Variants in ELP4 observed in about 807,000 individuals in gnomAD.
ELP4 encodes the protein elongator complex protein 4.
ELP4 carries 51 observed loss-of-function variants against 48.9 expected under a neutral mutation model. That is an observed-to-expected ratio of 1.04 (90% CI 0.83 to 1.32). The LOEUF is 1.32. Among genes scored for constraint, ELP4 ranks in the 40% most tolerant of loss-of-function variants. The pLI, the probability that ELP4 is intolerant of heterozygous loss-of-function variation, is 0.00. For missense variants in ELP4, 519 were observed against 514.6 expected, an observed-to-expected ratio of 1.01 and a Z score of -0.08; for synonymous variants, 210 against 189.2, an observed-to-expected ratio of 1.11 and a Z score of -0.90.
At chr11:31,612,570 T>C (rs926365986) in intron 5 of ELP4, among the ~76,000 whole-genome samples, 2 of 152,150 alleles carry the variant, frequency 1.3e-5, no homozygotes, top group Non-Finnish European at 1.5e-5. Flanking sequence ...TCATGAACTT[T>C]AGGCTGAAGA....
intron 5 of ELP4, among the ~76,000 whole-genome samples, chr11:31,606,731 G>C (rs1452088425): frequency 3.3e-5 from 5 of 152,116 alleles, no homozygotes; most frequent in African/African-American, 7.2e-5. Flanking sequence ...GTCTAAGATT[G>C]TTTACTTTGA....
chr11:31,660,794 T>C (rs1945539792), intron 9 of ELP4, among the ~76,000 whole-genome samples: 1 of 152,028 alleles, frequency 6.6e-6, no homozygotes, highest in South Asian at 2.1e-4. Flanking sequence ...AGATTCAAAA[T>C]TTGTCATGCA....
intron 9 of ELP4, among the ~76,000 whole-genome samples, chr11:31,745,295 T>C (rs918427588): frequency 9.3e-4 from 141 of 152,096 alleles, no homozygotes; most frequent in African/African-American, 3.1e-3. Flanking sequence ...GAATCAATAT[T>C]GTGAAAATGG....
chr11:31,615,304 A>G (rs894770880), intron 5 of ELP4, among the ~76,000 whole-genome samples: 22 of 152,208 alleles, frequency 1.4e-4, no homozygotes, highest in Admixed American at 6.5e-4. Context: ...CAAAACAGGC[A>G]AAAGGTTAAC....
Position 31,594,846 on chromosome 11 carries a change from A to G in ELP4, c.458A>G (p.Glu153Gly), listed in dbSNP as rs200306266. The stretch of plus-strand genomic sequence containing the variant: ...GATGTATACAATCATAAAACACCAG[A>G]ATCTAATATTAAGATGAAAATAGCT... ...DEDVYNHKTP[E>G]SNIKMKIAWR... Residue 153 changes from glutamate (E) to glycine (G), a missense_variant, in exon 4 of 10, where the codon GAA becomes GGA. Transcript: ENST00000640961. The G allele has an allele frequency of 3.2e-6, 5 of 1,569,186 alleles. No homozygotes were observed. The East Asian group carries it at 7.1e-5, about 22-fold the overall frequency.
chr11:31,766,475 T>C (rs1948043833), intron 9 of ELP4, among the ~76,000 whole-genome samples: 1 of 152,120 alleles, frequency 6.6e-6, no homozygotes, highest in Non-Finnish European at 1.5e-5. Flanking sequence ...TTGGCTAGTT[T>C]AGAAGCAAGA....
chr11:31,650,395 T>C (rs1592191463), intron 9 of ELP4, 174 bp downstream of exon 9: 5 of 417,566 alleles, frequency 1.2e-5, no homozygotes, highest in Non-Finnish European at 1.7e-5. Flanking sequence ...TTTTAGACTA[T>C]TGTTTTATTT....
At chr11:31,630,516 A>T (rs1042897426) in intron 6 of ELP4, among the ~76,000 whole-genome samples, 2 of 151,784 alleles carry the variant, frequency 1.3e-5, no homozygotes, top group African/African-American at 4.8e-5. Context: ...TTTAGTAGAG[A>T]CAGGGTTTCA....
At position 31,781,390 on chromosome 11, in the gene ELP4, C is replaced by T. The variant is rs138822253; in HGVS notation, c.1144-2003C>T. 2.8e-3 allele frequency among the ~76,000 whole-genome samples: 417 copies of T among 151,180 alleles called. 1 individual carries two copies. The highest frequency in any genetic ancestry group is 9.6e-3 in the African/African-American group (397 of 41,316). On this transcript the variant is annotated intron_variant, in intron 9 of 9. Coordinates refer to ENST00000640961, the MANE Select transcript of ELP4 (RefSeq NM_019040.5). ...AGACATAAAATTAAAGGTTTCTTTC[C>T]GTCCTGCTTCCTCACGTGGACACTG...
chr11:31,683,644 T>G (rs1946101157), intron 9 of ELP4, among the ~76,000 whole-genome samples: 1 of 152,186 alleles, frequency 6.6e-6, no homozygotes, highest in South Asian at 2.1e-4. Context: ...TATGGTCTAT[T>G]AAGATAATTT....
At chr11:31,781,490 T>A (rs1948376552) in intron 9 of ELP4, among the ~76,000 whole-genome samples, 1 of 20,528 alleles carries the variant, frequency 4.9e-5, no homozygotes, top group African/African-American at 1.9e-4. Flanking sequence ...TCCTGAGCCT[T>A]TTTTTTTTTT....
At chr11:31,583,286 T>C (rs996657431) in intron 3 of ELP4, among the ~76,000 whole-genome samples, 1 of 152,204 alleles carries the variant, frequency 6.6e-6, no homozygotes. Context: ...TATTATTCTC[T>C]ATTCTTTTCT....
intron 9 of ELP4, among the ~76,000 whole-genome samples, chr11:31,721,808 C>G (rs1454194648): frequency 1.3e-5 from 2 of 152,146 alleles, no homozygotes; most frequent in Non-Finnish European, 2.9e-5. Context: ...ATAGGCTCCA[C>G]GATACGTTTA....
rs542006704 is a variant in ELP4 at position 31,644,748 on chromosome 11, G to A, written c.928-2993G>A. On this transcript the variant is annotated intron_variant, in intron 7 of 9. Coordinates refer to ENST00000640961, the MANE Select transcript of ELP4 (RefSeq NM_019040.5). ...ATTTTAAGGTAAGATTACATCAATA[G>A]ACCATATTCCTTATGAAGCTTGGAG... Among the ~76,000 whole-genome samples, 308 of 151,788 alleles carry A rather than the reference G, an allele frequency of 2.0e-3. No individual in the cohort carries two copies. The Middle Eastern group carries it at 0.021, about 10-fold the overall frequency.
chr11:31,548,735 A>G (rs1358241197), intron 3 of ELP4, among the ~76,000 whole-genome samples: 1 of 152,190 alleles, frequency 6.6e-6, no homozygotes, highest in Non-Finnish European at 1.5e-5. Context: ...ACTTCAAACT[A>G]TACTACAAGG....
intron 9 of ELP4, among the ~76,000 whole-genome samples, chr11:31,732,013 G>A (rs1303626912): frequency 6.6e-6 from 1 of 152,064 alleles, no homozygotes; most frequent in African/African-American, 2.4e-5. Context: ...CAGAAGCTGT[G>A]GGAGTTCATC....
At chr11:31,670,701 A>C (rs928157512) in intron 9 of ELP4, among the ~76,000 whole-genome samples, 1 of 152,202 alleles carries the variant, frequency 6.6e-6, no homozygotes, top group African/African-American at 2.4e-5. Context: ...TGCGTTGCCC[A>C]CAGTGTCAAA....
At chr11:31,671,756 T>C (rs895652833) in intron 9 of ELP4, among the ~76,000 whole-genome samples, 1 of 152,072 alleles carries the variant, frequency 6.6e-6, no homozygotes, top group African/African-American at 2.4e-5. Context: ...AGCTCCCTGG[T>C]GAGTAAAGAC....
intron 3 of ELP4, among the ~76,000 whole-genome samples, chr11:31,545,851 T>C (rs1356591465): frequency 6.6e-6 from 1 of 152,102 alleles, no homozygotes; most frequent in Non-Finnish European, 1.5e-5. Context: ...AAGAAAAGAA[T>C]ATTCAACCCA....
Sources: gnomAD v4.1 joint callset for allele counts (sites outside exome capture counted in the v4.1 genomes callset) on GRCh38, gnomAD v4.1.1 for gene constraint, MANE v1.5 for transcripts, NCBI Gene and HGNC (gene_info 2026-07-23, HGNC 2026-07-21) for gene names.